TMEM117: variants seen among roughly 807,000 people sequenced by gnomAD.
TMEM117 encodes transmembrane protein 117.
In TMEM117, 27 loss-of-function variants were observed where a neutral mutation model predicts 52.4. That is an observed-to-expected ratio of 0.51 (90% CI 0.38 to 0.71). The LOEUF (loss-of-function observed/expected upper bound fraction) is 0.71. TMEM117 is among the 30% of genes least tolerant of loss of function. The probability of loss-of-function intolerance (pLI) is 0.00; values close to 1 mark genes in which losing one functional copy is unlikely to be tolerated. For missense variants in TMEM117, 556 were observed against 630.5 expected, an observed-to-expected ratio of 0.88 and a Z score of 1.26; for synonymous variants, 215 against 206.3, an observed-to-expected ratio of 1.04 and a Z score of -0.36.
At chr12:43,931,585 A>C (rs185059780) in intron 2 of TMEM117, among the ~76,000 whole-genome samples, 1 of 152,206 alleles carries the variant, frequency 6.6e-6, no homozygotes, top group South Asian at 2.1e-4. Context: ...GAGACACAAC[A>C]GATTTCAAAT....
At chr12:43,990,762 G>A (rs1945924662) in intron 3 of TMEM117, among the ~76,000 whole-genome samples, 1 of 152,086 alleles carries the variant, frequency 6.6e-6, no homozygotes, top group Admixed American at 6.6e-5. Context: ...GAAGCTGAGA[G>A]AGGCATAAGA....
intron 5 of TMEM117, among the ~76,000 whole-genome samples, chr12:44,223,208 A>C (rs560953155): frequency 6.6e-6 from 1 of 151,794 alleles, no homozygotes. Context: ...CCTACCCTCC[A>C]CCCTGCAAAA....
intron 3 of TMEM117, among the ~76,000 whole-genome samples, chr12:44,010,622 A>G (rs1249374938): frequency 3.9e-5 from 6 of 152,036 alleles, no homozygotes; most frequent in African/African-American, 7.3e-5. Context: ...ATTTTATATG[A>G]TTTTATATTC....
intron 2 of TMEM117, among the ~76,000 whole-genome samples, chr12:43,886,636 T>C (rs1369040529): frequency 6.6e-6 from 1 of 152,154 alleles, no homozygotes; most frequent in Non-Finnish European, 1.5e-5. Context: ...TTTTTTTAAC[T>C]TTTAAGTTCA....
At position 44,388,196 on chromosome 12, in the gene TMEM117, C is replaced by T; in HGVS notation, c.1069C>T (p.Leu357=). 2 of 1,613,418 alleles carry T rather than the reference C, an allele frequency of 1.2e-6. No individual in the cohort carries two copies. The highest frequency in any genetic ancestry group is 1.6e-4 in the Middle Eastern group (1 of 6,062). Residue 357 remains leucine (L), a synonymous_variant, in exon 8 of 8, where the codon CTA becomes TTA. Transcript: ENST00000266534. ...TTTAAAAGATTTGAACAGAACCAAGCTATCCTGGGAATGGAGGTCCAATCA... is the reference window on the plus strand; with the variant it reads ...TTTAAAAGATTTGAACAGAACCAAGTTATCCTGGGAATGGAGGTCCAATCA... ...ESLKDLNRTK[L]SWEWRSNHTN...
At chr12:44,077,865 ATT>A (rs1272090280) in intron 3 of TMEM117, among the ~76,000 whole-genome samples, 1 of 152,106 alleles carries the variant, frequency 6.6e-6, no homozygotes, top group African/African-American at 2.4e-5. Context: ...CATACTTTAT[ATT>A]TTCTTATTTA....
In TMEM117 at chr12:43,991,455, A is replaced by G. The variant is rs145576316; in HGVS notation, c.410+47113A>G. On this transcript the variant is annotated intron_variant, in intron 3 of 7. Transcript: ENST00000266534. ...TTTATTGTTATCTATCTATCTATCTATCTATCTATCTATCTATCTAATCTA... is the reference window on the plus strand; with the variant it reads ...TTTATTGTTATCTATCTATCTATCTGTCTATCTATCTATCTATCTAATCTA... Among the ~76,000 whole-genome samples, 495 of 151,934 alleles carry G rather than the reference A, an allele frequency of 3.3e-3. 4 individuals carry two copies. The highest frequency in any genetic ancestry group is 0.011 in the African/African-American group (453 of 41,368).
chr12:44,314,386 G>A (rs1437259397), intron 6 of TMEM117, among the ~76,000 whole-genome samples: 1 of 152,014 alleles, frequency 6.6e-6, no homozygotes, highest in Non-Finnish European at 1.5e-5. Context: ...TGGTTTTGTG[G>A]TGAATCACAT....
intron 4 of TMEM117, among the ~76,000 whole-genome samples, chr12:44,151,062 G>A (rs1231798188): frequency 1.3e-5 from 2 of 151,852 alleles, no homozygotes; most frequent in Non-Finnish European, 2.9e-5. Flanking sequence ...TATTCACCAA[G>A]AATATGAAAG....
chr12:43,853,984 T>TG (rs1486537149), intron 2 of TMEM117, among the ~76,000 whole-genome samples: 4 of 152,190 alleles, frequency 2.6e-5, no homozygotes, highest in Admixed American at 2.0e-4. Flanking sequence ...GGGTAAAAGC[T>TG]GAAGAATTCA....
intron 3 of TMEM117, among the ~76,000 whole-genome samples, chr12:44,018,220 A>G (rs1271187426): frequency 6.6e-6 from 1 of 152,192 alleles, no homozygotes; most frequent in African/African-American, 2.4e-5. Context: ...TAGATTTCCA[A>G]AATGGTTACA....
chr12:44,023,547 G>GT (rs1053151188), intron 3 of TMEM117, among the ~76,000 whole-genome samples: 5 of 151,990 alleles, frequency 3.3e-5, no homozygotes, highest in Admixed American at 6.6e-5. Context: ...TCTCATTGTG[G>GT]TTTTGATTCG....
intron 5 of TMEM117, among the ~76,000 whole-genome samples, chr12:44,232,269 A>G (rs549789779): frequency 1.5e-4 from 22 of 151,590 alleles, no homozygotes; most frequent in Non-Finnish European, 3.1e-4. Flanking sequence ...TTGCTTTTTA[A>G]GTCTACAATC....
rs899153414 is a variant in TMEM117 at position 44,031,745 on chromosome 12, A to G, written c.410+87403A>G. On this transcript the variant is annotated intron_variant, in intron 3 of 7. Coordinates refer to ENST00000266534, the MANE Select transcript of TMEM117 (RefSeq NM_032256.3). The stretch of plus-strand genomic sequence containing the variant: ...TTGTTTCTCTCTACCTGATTTGTCC[A>G]TAATTTAGAAACTATTTGTGAGTAT... 8.3e-4 allele frequency among the ~76,000 whole-genome samples: 126 copies of G among 152,348 alleles called. 1 individual carries two copies. The highest frequency in any genetic ancestry group is 3.0e-3 in the African/African-American group (124 of 41,588).
intron 5 of TMEM117, among the ~76,000 whole-genome samples, chr12:44,229,939 A>G (rs1949911713): frequency 6.6e-6 from 1 of 152,146 alleles, no homozygotes; most frequent in African/African-American, 2.4e-5. Flanking sequence ...CTAACTTTGC[A>G]TTTTAAAAAT....
chr12:43,836,477 G>A (rs566758271), intron 1 of TMEM117, among the ~76,000 whole-genome samples: 74 of 152,310 alleles, frequency 4.9e-4, no homozygotes, highest in Non-Finnish European at 8.4e-4. Flanking sequence ...CGGGCGAAAG[G>A]CTCTTGGTGG....
the TMEM117 span, among the ~76,000 whole-genome samples, chr12:43,814,403 A>G: frequency 3.4e-4 from 52 of 152,216 alleles, no homozygotes; most frequent in African/African-American, 1.3e-3. Context: ...CTAACATCAT[A>G]GCATATTTGT....
At chr12:44,174,820 C>G (rs1410746571) in intron 4 of TMEM117, among the ~76,000 whole-genome samples, 1 of 152,038 alleles carries the variant, frequency 6.6e-6, no homozygotes, top group Admixed American at 6.6e-5. Flanking sequence ...AAAATCCTGA[C>G]TTAAAAGAAG....
At chr12:43,965,733 A>G (rs1369755604) in intron 3 of TMEM117, among the ~76,000 whole-genome samples, 1 of 152,110 alleles carries the variant, frequency 6.6e-6, no homozygotes, top group Admixed American at 6.6e-5. Context: ...TGAGCACTTC[A>G]CTATTTTTTC....
Sources: gnomAD v4.1 joint callset for allele counts (sites outside exome capture counted in the v4.1 genomes callset) on GRCh38, gnomAD v4.1.1 for gene constraint, MANE v1.5 for transcripts, NCBI Gene and HGNC (gene_info 2026-07-23, HGNC 2026-07-21) for gene names.